The following LARP1B variants were observed in gnomAD, a reference collection of about 807,000 sequenced individuals.
LARP1B encodes la-related protein 1B.
A neutral mutation model predicts 114.2 loss-of-function variants in LARP1B; 76 were observed. The observed-to-expected ratio is 0.67, with a 90% confidence interval of 0.55 to 0.81. The LOEUF (loss-of-function observed/expected upper bound fraction) is 0.81, where lower values mean the gene tolerates loss of function less well. Among genes scored for constraint, LARP1B ranks in the 30% least tolerant of loss-of-function variants. LARP1B has a pLI of 0.00. For synonymous variants in LARP1B, 345 were observed against 348.0 expected (o/e 0.99, Z 0.10); for missense variants, 1,014 against 1,075.8 (o/e 0.94, Z 0.80).
chr4:128,062,593 T>TTTTG (rs1760667768), intron 1 of LARP1B, among the ~76,000 whole-genome samples: 1 of 21,224 alleles, frequency 4.7e-5, no homozygotes, highest in Non-Finnish European at 1.4e-4. Context: ...TTTGGTAGAC[T>TTTTG]TTTTTTTTTT....
At chr4:128,160,452 C>T (rs1000824155) in intron 11 of LARP1B, among the ~76,000 whole-genome samples, 1 of 151,994 alleles carries the variant, frequency 6.6e-6, no homozygotes, top group African/African-American at 2.4e-5. Flanking sequence ...AATTGCTTTA[C>T]CTGAATGGTG....
chr4:128,065,320 TCTCTCTCTCTC>T lies in LARP1B; in HGVS notation c.-78+3920_-78+3930del, dbSNP rs1561012549. 2.0e-3 allele frequency among the ~76,000 whole-genome samples: 162 copies of T among 82,250 alleles called. 1 individual carries two copies. In the Middle Eastern group the frequency reaches 0.04, roughly 20 times the overall value. The allele number at this position is 82,250 out of a possible 152,430, so 54.0% of individuals were successfully genotyped here. ...TTCTTTCTTTCTTTCTTTCTTTCTC[TCTCTCTCTCTC>T]TTTCCTTTCTTTTCTTTTCTTTTCT... On this transcript the variant is annotated intron_variant, in intron 1 of 19. Transcript: ENST00000326639.
intron 12 of LARP1B, among the ~76,000 whole-genome samples, chr4:128,165,768 A>G (rs1232658514): frequency 6.6e-6 from 1 of 152,130 alleles, no homozygotes; most frequent in Admixed American, 6.6e-5. Flanking sequence ...TGACATCAGC[A>G]TTAGATCAAA....
At chr4:128,090,040 T>C (rs574185311) in intron 5 of LARP1B, among the ~76,000 whole-genome samples, 2 of 151,208 alleles carry the variant, frequency 1.3e-5, no homozygotes, top group East Asian at 3.9e-4. Context: ...ACCAAAGTGC[T>C]GGTATTACAA....
At chr4:128,184,925 C>A (rs1394124837) in intron 15 of LARP1B, among the ~76,000 whole-genome samples, 1 of 152,046 alleles carries the variant, frequency 6.6e-6, no homozygotes, top group African/African-American at 2.4e-5. Context: ...TTTTTTATGG[C>A]TGAATAGTAT....
intron 12 of LARP1B, among the ~76,000 whole-genome samples, chr4:128,169,067 C>T (rs776531939): frequency 1.8e-4 from 28 of 152,036 alleles, no homozygotes; most frequent in Non-Finnish European, 3.1e-4. Flanking sequence ...TTATAATATG[C>T]TCTTTTTCTC....
At chr4:128,149,623 T>C (rs1731806023) in intron 11 of LARP1B, among the ~76,000 whole-genome samples, 1 of 152,196 alleles carries the variant, frequency 6.6e-6, no homozygotes, top group Non-Finnish European at 1.5e-5. Context: ...GAGAGAATGA[T>C]CTTAAGATCA....
Position 128,200,582 on chromosome 4 carries a change from CT to C in LARP1B, c.2231del (p.Phe744SerfsTer30). 2.5e-6 allele frequency: 4 copies of C among 1,594,456 alleles called. No individual in the cohort carries two copies. The highest frequency in any genetic ancestry group is 1.7e-5 in the Admixed American group (1 of 58,096). On this transcript the variant is annotated frameshift_variant, in exon 17 of 20. Coordinates refer to ENST00000326639, the MANE Select transcript of LARP1B (RefSeq NM_018078.4). LOFTEE classifies it high-confidence loss of function. ...TGAATACCCTCTTTCGTTTCTGGTC[CT>C]TTTTCCTCAGAGATCACTTCAATAA... ...EMNTLFRFWS[F>X]FLRDHFNKKM...
At chr4:128,101,470 G>A (rs1780291172) in intron 8 of LARP1B, among the ~76,000 whole-genome samples, 1 of 151,324 alleles carries the variant, frequency 6.6e-6, no homozygotes, top group African/African-American at 2.4e-5. Context: ...TTGGTTTCAT[G>A]AAAATAATTA....
intron 7 of LARP1B, among the ~76,000 whole-genome samples, chr4:128,096,998 A>G (rs927164878): frequency 6.6e-6 from 1 of 152,034 alleles, no homozygotes; most frequent in Non-Finnish European, 1.5e-5. Flanking sequence ...TCCTGGGTGC[A>G]ATTGATTCTC....
intron 5 of LARP1B, among the ~76,000 whole-genome samples, chr4:128,085,353 CTTTTTTT>C (rs35260726): frequency 1.3e-4 from 11 of 85,832 alleles, no homozygotes; most frequent in South Asian, 5.4e-4. Flanking sequence ...CCTTAGCTTC[CTTTTTTT>C]TTTTTTTTTT....
chr4:128,096,288 C>T (rs1441092760), intron 7 of LARP1B, among the ~76,000 whole-genome samples: 4 of 152,138 alleles, frequency 2.6e-5, no homozygotes, highest in African/African-American at 4.8e-5. Context: ...CCACCGCGCC[C>T]GGCCTATGGA....
At chr4:128,132,499 G>C (rs1259386409) in intron 11 of LARP1B, among the ~76,000 whole-genome samples, 3 of 152,080 alleles carry the variant, frequency 2.0e-5, no homozygotes, top group Admixed American at 6.6e-5. Flanking sequence ...GCCTGCATCA[G>C]TCTCCAAAAG....
At chr4:128,176,701 G>GC (rs1746341064) in intron 12 of LARP1B, among the ~76,000 whole-genome samples, 171 bp from the exon 13 acceptor site, 1 of 152,140 alleles carries the variant, frequency 6.6e-6, no homozygotes, top group African/African-American at 2.4e-5. Context: ...TGTATGGTAG[G>GC]CACTAGTATT....
intron 12 of LARP1B, among the ~76,000 whole-genome samples, chr4:128,174,102 A>G (rs1451642181): frequency 6.6e-6 from 1 of 152,074 alleles, no homozygotes; most frequent in Non-Finnish European, 1.5e-5. Context: ...ACTTTCTTTT[A>G]TTGCTAAGTA....
Position 128,179,448 on chromosome 4 carries a change from C to T in LARP1B, c.1939C>T (p.Leu647=). ...RKTRHSTNPP[L]ECHVGWVMDS... Reference sequence around the variant, plus strand: ...AACAAGGCATAGCACAAATCCCCCTCTAGAGTGTCATGTTGGTTGGGTAAT... The same window carrying T: ...AACAAGGCATAGCACAAATCCCCCTTTAGAGTGTCATGTTGGTTGGGTAAT... Residue 647 remains leucine (L), a synonymous_variant, in exon 15 of 20, where the codon CTA becomes TTA. Transcript: ENST00000326639. The T allele has an allele frequency of 1.9e-6, 3 of 1,611,260 alleles. No individual in the cohort carries two copies. Among genetic ancestry groups the T allele is most frequent in the Non-Finnish European group, 2.5e-6 (3 of 1,178,714 alleles).
chr4:128,096,160 A>AT (rs201149600), intron 7 of LARP1B, among the ~76,000 whole-genome samples: 3 of 151,752 alleles, frequency 2.0e-5, no homozygotes, highest in Non-Finnish European at 4.4e-5. Context: ...TGCCCGGCTA[A>AT]TTTTTTGTAT....
intron 11 of LARP1B, among the ~76,000 whole-genome samples, chr4:128,158,461 A>G (rs1213887878): frequency 6.6e-6 from 1 of 152,216 alleles, no homozygotes; most frequent in Non-Finnish European, 1.5e-5. Context: ...ACTACATTAA[A>G]GGACTTCTTT....
intron 13 of LARP1B, 73 bp from the exon 14 acceptor site, chr4:128,178,358 A>C: frequency 9.1e-7 from 1 of 1,098,186 alleles, no homozygotes; most frequent in East Asian, 2.4e-5. Context: ...AGAGAATTAC[A>C]AAATTATCCT....
Sources: allele counts gnomAD v4.1 joint callset (sites outside exome capture counted in the v4.1 genomes callset), GRCh38; gene constraint gnomAD v4.1.1; transcripts MANE v1.5; gene names NCBI Gene and HGNC (gene_info 2026-07-23, HGNC 2026-07-21).